SMIM13: variants seen among roughly 807,000 people sequenced by gnomAD.
SMIM13 encodes the protein UPF0766 protein C6orf228.
A neutral mutation model predicts 5.9 loss-of-function variants in SMIM13; 3 were observed. The observed-to-expected ratio is 0.51, with a 90% CI of 0.23 to 1.31. The LOEUF is 1.31. Among genes scored for constraint, SMIM13 ranks in the 40% most tolerant of loss-of-function variants. The pLI is 0.18. For missense variants in SMIM13, 85 were observed against 109.9 expected, an observed-to-expected ratio of 0.77 and a Z score of 1.01; for synonymous variants, 55 against 46.0, an observed-to-expected ratio of 1.19 and a Z score of -0.79.
chr6:11,094,243 G>A lies in SMIM13; in HGVS notation c.-71G>A, dbSNP rs1402818390. Reference sequence around the variant, plus strand: ...CCTGGCGCCCGCCGCTGAAGCGCAGGACGCGCCGCCGCCCGCGCTCACCGC... The same window carrying A: ...CCTGGCGCCCGCCGCTGAAGCGCAGAACGCGCCGCCGCCCGCGCTCACCGC... On this transcript the variant is annotated 5_prime_UTR_variant, in exon 1 of 2. Transcript: ENST00000416247. 3.2e-6 allele frequency: 3 copies of A among 937,700 alleles called. No individual in the cohort carries two copies. Among genetic ancestry groups the A allele is most frequent in the Non-Finnish European group, 4.1e-6 (3 of 730,550 alleles). The allele number at this position is 937,700 out of a possible 1,614,324, so 58.1% of individuals were successfully genotyped here. A position where few individuals can be genotyped will look rare whatever the true frequency, so the allele number is the denominator to read the frequency against.
At chr6:11,117,109 G>T (rs1758250794) in intron 1 of SMIM13, among the ~76,000 whole-genome samples, 1 of 142,660 alleles carries the variant, frequency 7.0e-6, no homozygotes, top group Admixed American at 7.3e-5. Context: ...TCCTGCCTCA[G>T]CCTCCTGACT....
At chr6:11,106,856 T>C (rs1758091226) in intron 1 of SMIM13, among the ~76,000 whole-genome samples, 1 of 152,204 alleles carries the variant, frequency 6.6e-6, no homozygotes, top group South Asian at 2.1e-4. Context: ...GGCCCATATT[T>C]AATTTGAGTA....
At chr6:11,099,148 T>C (rs565811410) in intron 1 of SMIM13, among the ~76,000 whole-genome samples, 1 of 152,326 alleles carries the variant, frequency 6.6e-6, no homozygotes, top group South Asian at 2.1e-4. Flanking sequence ...CTAACTCTTA[T>C]GTCTCTCCTG....
At chr6:11,117,528 A>G (rs886942315) in intron 1 of SMIM13, among the ~76,000 whole-genome samples, 1 of 151,766 alleles carries the variant, frequency 6.6e-6, no homozygotes. Flanking sequence ...TTTTTATTCA[A>G]TTCAAGATAT....
intron 1 of SMIM13, among the ~76,000 whole-genome samples, chr6:11,117,686 A>G (rs1467124125): frequency 6.6e-6 from 1 of 151,832 alleles, no homozygotes; most frequent in East Asian, 1.9e-4. Flanking sequence ...TTTGTATGAT[A>G]AAATTTAGGA....
intron 1 of SMIM13, among the ~76,000 whole-genome samples, chr6:11,109,730 A>G (rs1758140729): frequency 6.6e-6 from 1 of 152,204 alleles, no homozygotes; most frequent in South Asian, 2.1e-4. Flanking sequence ...AGGCTGTATT[A>G]CAGAAAAATA....
intron 1 of SMIM13, among the ~76,000 whole-genome samples, chr6:11,124,450 T>C (rs1758350493): frequency 6.6e-6 from 1 of 152,214 alleles, no homozygotes; most frequent in Non-Finnish European, 1.5e-5. Flanking sequence ...AGTACTGCAG[T>C]AAACATGGGA....
At chr6:11,101,798 G>C (rs898098852) in intron 1 of SMIM13, among the ~76,000 whole-genome samples, 4 of 149,738 alleles carry the variant, frequency 2.7e-5, no homozygotes, top group Non-Finnish European at 5.9e-5. Context: ...GGAGTGGAGT[G>C]GCACAATTGC....
intron 1 of SMIM13, among the ~76,000 whole-genome samples, chr6:11,121,749 A>G (rs917380219): frequency 2.0e-5 from 3 of 152,214 alleles, no homozygotes; most frequent in African/African-American, 4.8e-5. Flanking sequence ...TAAACATTCT[A>G]TTAACCAGAC....
rs1015002501 is a variant in SMIM13 at position 11,134,553 on chromosome 6, C to T, written c.227C>T (p.Ala76Val). ...TSSSPHRIRS[A>V]RQRRAPADEG... ...TCCTCTCCACACAGAATCAGATCCG[C>T]TCGCCAAAGGAGGGCACCTGCTGAT... The change falls in exon 2 of 2, where the codon GCT becomes GTT. Residue 76 changes from alanine (A) to valine (V), a missense_variant. Coordinates refer to ENST00000416247, the MANE Select transcript of SMIM13 (RefSeq NM_001135575.2). 3 of 1,549,842 alleles carry T rather than the reference C, an allele frequency of 1.9e-6. No homozygotes were observed. In the African/African-American group the frequency reaches 4.1e-5, roughly 21 times the overall value.
At chr6:11,103,393 C>T in intron 1 of SMIM13, 1 of 322,760 alleles carries the variant, frequency 3.1e-6, no homozygotes, top group African/African-American at 2.1e-5. Context: ...CCTGACATTC[C>T]TGGTGAGGGG....
intron 1 of SMIM13, among the ~76,000 whole-genome samples, chr6:11,122,005 TTC>T (rs1758316485): frequency 6.6e-6 from 1 of 152,244 alleles, no homozygotes; most frequent in Non-Finnish European, 1.5e-5. Context: ...TCAACTGTTG[TTC>T]TGTCTATCCC....
intron 1 of SMIM13, chr6:11,103,930 T>G: frequency 6.4e-7 from 1 of 1,551,662 alleles, no homozygotes; most frequent in Non-Finnish European, 8.7e-7. Context: ...TCCCGTAAAC[T>G]GGAGGCTTGA....
intron 1 of SMIM13, among the ~76,000 whole-genome samples, chr6:11,109,437 G>A (rs189093349): frequency 8.5e-5 from 13 of 152,218 alleles, no homozygotes; most frequent in African/African-American, 2.9e-4. Context: ...GGGAGACTTC[G>A]ATATAATTGG....
At chr6:11,101,720 C>G (rs1422159537) in intron 1 of SMIM13, among the ~76,000 whole-genome samples, 2 of 151,402 alleles carry the variant, frequency 1.3e-5, no homozygotes, top group African/African-American at 4.9e-5. Context: ...ATTCCAGAAC[C>G]TGAAAAACAT....
chr6:11,120,537 C>T (rs9461493), intron 1 of SMIM13, among the ~76,000 whole-genome samples: 20,506 of 152,158 alleles, frequency 0.13, 1,487 homozygotes, highest in Middle Eastern at 0.18. Context: ...CCCAGAGGCT[C>T]CACCTGCAAA....
chr6:11,101,591 A>G lies in SMIM13; in HGVS notation c.76+7202A>G, dbSNP rs144909384. 9.2e-3 allele frequency among the ~76,000 whole-genome samples: 1,396 copies of G among 152,186 alleles called. 8 individuals are homozygous for G. The highest frequency in any genetic ancestry group is 0.013 in the Non-Finnish European group (902 of 68,004). On this transcript the variant is annotated intron_variant, in intron 1 of 1. Coordinates refer to ENST00000416247, the MANE Select transcript of SMIM13 (RefSeq NM_001135575.2). The stretch of plus-strand genomic sequence containing the variant: ...TTGGAGTGGGCCGATTGATTGGTCA[A>G]AGAGTGCAGGGGTGAAACCATGGAA...
intron 1 of SMIM13, among the ~76,000 whole-genome samples, chr6:11,126,772 A>G (rs1758383179): frequency 6.6e-6 from 1 of 152,084 alleles, no homozygotes; most frequent in Admixed American, 6.5e-5. Flanking sequence ...CTTCTTGGGA[A>G]TGCTTTCCAA....
At chr6:11,108,179 A>G (rs549204585) in intron 1 of SMIM13, among the ~76,000 whole-genome samples, 24 of 152,368 alleles carry the variant, frequency 1.6e-4, no homozygotes, top group Non-Finnish European at 3.4e-4. Context: ...CCCCAGAGAC[A>G]GCACAGAGGA....
Sources: allele counts gnomAD v4.1 joint callset (sites outside exome capture counted in the v4.1 genomes callset), GRCh38; gene constraint gnomAD v4.1.1; transcripts MANE v1.5; gene names NCBI Gene and HGNC (gene_info 2026-07-23, HGNC 2026-07-21).